RNFT2: variants seen among roughly 807,000 people sequenced by gnomAD.
RNFT2 encodes ring finger protein, transmembrane 2.
A neutral mutation model predicts 53.0 loss-of-function variants in RNFT2; 36 were observed. That is an observed-to-expected ratio of 0.68 (90% CI 0.52 to 0.90). RNFT2 has a LOEUF of 0.90. Among genes scored for constraint, RNFT2 ranks in the 40% least tolerant of loss-of-function variants. The pLI is 0.00. For missense variants in RNFT2, 514 were observed against 585.6 expected (o/e 0.88, Z 1.26); for synonymous variants, 260 against 253.2 (o/e 1.03, Z -0.26).
At chr12:116,774,346 C>T (rs146399067) in intron 6 of RNFT2, among the ~76,000 whole-genome samples, 37 of 152,242 alleles carry the variant, frequency 2.4e-4, no homozygotes, top group Non-Finnish European at 4.9e-4. Flanking sequence ...TCATCTACCA[C>T]TGACATCATT....
chr12:116,785,949 G>A (rs1873915289), intron 7 of RNFT2, among the ~76,000 whole-genome samples: 1 of 152,060 alleles, frequency 6.6e-6, no homozygotes, highest in Non-Finnish European at 1.5e-5. Context: ...CTACTCAGGA[G>A]GTTGAGGTGG....
At chr12:116,796,047 T>C (rs1276316737) in intron 7 of RNFT2, among the ~76,000 whole-genome samples, 1 of 152,104 alleles carries the variant, frequency 6.6e-6, no homozygotes, top group African/African-American at 2.4e-5. Flanking sequence ...TAGCTGATAT[T>C]ACAGGCGCCC....
chr12:116,767,565 T>TG (rs112321616), intron 6 of RNFT2, among the ~76,000 whole-genome samples: 2,433 of 151,722 alleles, frequency 0.016, 73 homozygotes, highest in African/African-American at 0.057. Context: ...ATAAAAATTA[T>TG]GTTTTTTTTT....
At chr12:116,769,292 A>G (rs1873066843) in intron 6 of RNFT2, among the ~76,000 whole-genome samples, 1 of 152,100 alleles carries the variant, frequency 6.6e-6, no homozygotes. Flanking sequence ...CGGGAGGCAG[A>G]GGTTGCAGTG....
rs1872117635 is a variant in RNFT2 at position 116,750,154 on chromosome 12, G to C, written c.397G>C (p.Asp133His). ...CTCCCTGCTGCAGCACGTGGGTGGG[G>C]ACCACCGGGGGCACTCGGAGGAGGG... is the stretch of plus-strand genomic sequence containing the variant. ...GGSLLQHVGGDHRGHSEEGGD... is the reference protein window; with the variant it reads ...GGSLLQHVGGHHRGHSEEGGD... The change falls in exon 4 of 11, where the codon GAC becomes CAC. Residue 133 changes from aspartate to histidine, a missense_variant. Asp to His is a moderately conservative substitution (Grantham distance 81). This residue lies in a region of RNFT2 where 237 missense variants were observed against 235.1 expected (regional missense o/e 1.01). Coordinates refer to ENST00000257575, the MANE Select transcript of RNFT2 (RefSeq NM_001382266.1). 8.2e-6 allele frequency: 13 copies of C among 1,587,700 alleles called. No individual in the cohort carries two copies. Among genetic ancestry groups the C allele is most frequent in the Non-Finnish European group, 1.1e-5 (13 of 1,172,998 alleles).
intron 7 of RNFT2, among the ~76,000 whole-genome samples, chr12:116,828,382 A>C (rs1282304878): frequency 6.6e-6 from 1 of 152,120 alleles, no homozygotes; most frequent in East Asian, 1.9e-4. Context: ...CATGGCTCAC[A>C]CTTTGGGTGG....
chr12:116,743,213 T>TAAAAAAAAAAAAA (rs762013507), intron 3 of RNFT2, among the ~76,000 whole-genome samples: 186 of 10,648 alleles, frequency 0.017, 36 homozygotes, highest in Admixed American at 0.024. Flanking sequence ...AGGTAGAATC[T>TAAAAAAAAAAAAA]AAAAAAAAAA....
chr12:116,852,605 A>G lies in RNFT2; in HGVS notation c.*3157A>G. 6.2e-7 allele frequency: 1 copy of G among 1,613,838 alleles called. No homozygotes were observed. On this transcript the variant is annotated 3_prime_UTR_variant, in exon 11 of 11. Coordinates refer to ENST00000257575, the MANE Select transcript of RNFT2 (RefSeq NM_001382266.1). ...GGAAAAACCAAAGGGAAGCAACAGG[A>G]ACTTCTGCAACTGGTTTTTATCGGA...
intron 3 of RNFT2, 102 bp downstream of exon 3, chr12:116,741,196 G>A: frequency 1.1e-6 from 1 of 870,888 alleles, no homozygotes; most frequent in South Asian, 1.4e-5. Flanking sequence ...AGCGTTAGTT[G>A]TTAGAGTCAC....
At chr12:116,836,386 A>G in intron 10 of RNFT2, 104 bp downstream of exon 10, 1 of 956,536 alleles carries the variant, frequency 1.0e-6, no homozygotes, top group South Asian at 1.4e-5. Context: ...TCTGGGGGGC[A>G]ATCCGGTTAA....
Position 116,742,255 on chromosome 12 carries a change from G to A in RNFT2, c.83+1161G>A, listed in dbSNP as rs924114955. On this transcript the variant is annotated intron_variant, in intron 3 of 10. Transcript: ENST00000257575. ...TCATGTTGGTGGGCTCTGGGGTACCGAGGTGGTTTCTTTTTTTTTTTTTTT... is the reference window on the plus strand; with the variant it reads ...TCATGTTGGTGGGCTCTGGGGTACCAAGGTGGTTTCTTTTTTTTTTTTTTT... Among the ~76,000 whole-genome samples the A allele has an allele frequency of 6.6e-5, 10 of 150,650 alleles. 1 individual carries two copies. Among genetic ancestry groups the A allele is most frequent in the Non-Finnish European group, 1.3e-4 (9 of 67,670 alleles).
Position 116,852,198 on chromosome 12 carries a change from G to A in RNFT2, c.*2750G>A, listed in dbSNP as rs73407288. Reference sequence around the variant, plus strand: ...GTCAACCTCAGCACAACAGGCTGGCGCCAATGGCATTACAGAGAAAGCAAT... The same window carrying A: ...GTCAACCTCAGCACAACAGGCTGGCACCAATGGCATTACAGAGAAAGCAAT... On this transcript the variant is annotated 3_prime_UTR_variant, in exon 11 of 11. Coordinates refer to ENST00000257575, the MANE Select transcript of RNFT2 (RefSeq NM_001382266.1). 20,852 of 1,233,520 alleles carry A rather than the reference G, an allele frequency of 0.017. 526 individuals are homozygous for A. The highest frequency in any genetic ancestry group is 0.11 in the African/African-American group (7,368 of 66,628). The allele number at this position is 1,233,520 out of a possible 1,614,324, so 76.4% of individuals were successfully genotyped here.
At chr12:116,833,078 T>C (rs1876766386) in intron 7 of RNFT2, among the ~76,000 whole-genome samples, 1 of 151,724 alleles carries the variant, frequency 6.6e-6, no homozygotes. Flanking sequence ...GCCACCACGC[T>C]CAGCTAATTT....
chr12:116,824,521 C>G (rs1876222931), intron 7 of RNFT2, among the ~76,000 whole-genome samples: 1 of 152,218 alleles, frequency 6.6e-6, no homozygotes. Context: ...TTCACCAGCT[C>G]TAGGGTGTGG....
intron 10 of RNFT2, among the ~76,000 whole-genome samples, chr12:116,845,280 G>T (rs2893690): frequency 0.087 from 10,490 of 120,088 alleles, 455 homozygotes; most frequent in African/African-American, 0.16. Context: ...TATATAGAGA[G>T]AGAGAGAGAG....
At chr12:116,828,118 G>C (rs1308922949) in intron 7 of RNFT2, among the ~76,000 whole-genome samples, 3 of 152,206 alleles carry the variant, frequency 2.0e-5, no homozygotes, top group Admixed American at 2.0e-4. Context: ...TGCCCACCAA[G>C]ATGGCGCTCA....
chr12:116,820,571 C>G (rs1369871986), intron 7 of RNFT2, among the ~76,000 whole-genome samples: 1 of 152,110 alleles, frequency 6.6e-6, no homozygotes, highest in Non-Finnish European at 1.5e-5. Flanking sequence ...TTTTATCATC[C>G]TTCAGTTATC....
rs201247739 is a variant in RNFT2 at position 116,829,962 on chromosome 12, AT to A, written c.883-3818del. On this transcript the variant is annotated intron_variant, in intron 7 of 10. Transcript: ENST00000257575. ...GCATAAAAACACAAAGAGAATGAGG[AT>A]TTTTTTTTTTTGCATTCTCTATTAT... is the stretch of plus-strand genomic sequence containing the variant. 1.6e-3 allele frequency among the ~76,000 whole-genome samples: 239 copies of A among 146,112 alleles called. 1 individual carries two copies. Among genetic ancestry groups the A allele is most frequent in the African/African-American group, 3.2e-3 (128 of 40,036 alleles).
intron 7 of RNFT2, among the ~76,000 whole-genome samples, chr12:116,783,026 CTCA>C (rs1332836818): frequency 6.6e-6 from 1 of 152,200 alleles, no homozygotes; most frequent in Non-Finnish European, 1.5e-5. Flanking sequence ...GCTGGCCTGG[CTCA>C]TCATAAGTGC....
Sources: gnomAD v4.1 joint callset for allele counts (sites outside exome capture counted in the v4.1 genomes callset) on GRCh38, gnomAD v4.1.1 for gene constraint, gnomAD v4.1.1 regional missense constraint, MANE v1.5 for transcripts, NCBI Gene and HGNC (gene_info 2026-07-23, HGNC 2026-07-21) for gene names.